The following CREB5 variants were observed in gnomAD, a reference collection of about 807,000 sequenced individuals.
The protein encoded by CREB5 is cyclic AMP-responsive element-binding protein 5.
Under a neutral mutation model 57.1 loss-of-function variants are expected in CREB5, and 19 were observed. The observed-to-expected ratio is 0.33, with a 90% CI of 0.23 to 0.49. CREB5 has a LOEUF of 0.49. Ranked by LOEUF, CREB5 falls within the 20% of genes least tolerant of loss-of-function variation. CREB5 has a pLI of 0.99. For missense variants in CREB5, 579 were observed against 671.6 expected (o/e 0.86, Z 1.52); for synonymous variants, 238 against 238.3 (o/e 1.00, Z 0.01).
intron 1 of CREB5, among the ~76,000 whole-genome samples, chr7:28,310,018 A>G (rs1262699925): frequency 1.3e-5 from 2 of 152,198 alleles, no homozygotes; most frequent in African/African-American, 2.4e-5. Flanking sequence ...GAAAGGGTTC[A>G]TGGAGTAGCT....
chr7:28,655,720 T>C (rs1469726647), intron 5 of CREB5, among the ~76,000 whole-genome samples: 4 of 152,224 alleles, frequency 2.6e-5, no homozygotes, highest in African/African-American at 9.6e-5. Context: ...TATTATGTGC[T>C]TTTTTATCAC....
At chr7:28,420,807 C>CAAAAAAAAAAAA (rs10540496) in intron 1 of CREB5, among the ~76,000 whole-genome samples, 1 of 92,966 alleles carries the variant, frequency 1.1e-5, no homozygotes, top group African/African-American at 4.1e-5. Context: ...GACTCCATCT[C>CAAAAAAAAAAAA]AAAAAAAAAA....
chr7:28,750,584 C>T (rs540059908), intron 7 of CREB5, among the ~76,000 whole-genome samples: 1 of 138,062 alleles, frequency 7.2e-6, no homozygotes, highest in Admixed American at 7.4e-5. Context: ...CATGTAGAAG[C>T]TTAATACGAA....
intron 4 of CREB5, among the ~76,000 whole-genome samples, chr7:28,530,744 C>T (rs1583585087): frequency 6.6e-6 from 1 of 152,258 alleles, no homozygotes; most frequent in South Asian, 2.1e-4. Flanking sequence ...CAAGTAGAAG[C>T]GCAAGTGTGT....
chr7:28,701,122 A>G (rs1801838509), intron 5 of CREB5, among the ~76,000 whole-genome samples: 1 of 152,208 alleles, frequency 6.6e-6, no homozygotes. Flanking sequence ...AAAAAGGTCC[A>G]TTAGGGATGC....
intron 1 of CREB5, among the ~76,000 whole-genome samples, chr7:28,437,934 C>T (rs1321199356): frequency 6.6e-6 from 1 of 152,108 alleles, no homozygotes; most frequent in African/African-American, 2.4e-5. Flanking sequence ...TGATGACTTT[C>T]GGGCTCAGGG....
chr7:28,417,323 T>G (rs992418179), intron 1 of CREB5, among the ~76,000 whole-genome samples: 1 of 151,992 alleles, frequency 6.6e-6, no homozygotes, highest in African/African-American at 2.4e-5. Flanking sequence ...AAAATGTTAA[T>G]GTACTACTTT....
chr7:28,307,893 C>T (rs1288205817), intron 1 of CREB5, among the ~76,000 whole-genome samples: 1 of 152,224 alleles, frequency 6.6e-6, no homozygotes, highest in Non-Finnish European at 1.5e-5. Context: ...CAGAAGCACA[C>T]CTTGGGGAGA....
At chr7:28,482,503 T>C (rs1791376055) in intron 1 of CREB5, among the ~76,000 whole-genome samples, 1 of 152,220 alleles carries the variant, frequency 6.6e-6, no homozygotes. Flanking sequence ...TCATACAGTG[T>C]GACTGACTCA....
intron 7 of CREB5, among the ~76,000 whole-genome samples, chr7:28,737,595 C>T (rs1325900808): frequency 1.7e-5 from 2 of 119,866 alleles, no homozygotes; most frequent in African/African-American, 3.2e-5. Context: ...ATATTTTTAA[C>T]TCCTGTTTCA....
chr7:28,330,334 C>G (rs1157973408), intron 1 of CREB5, among the ~76,000 whole-genome samples: 2 of 150,734 alleles, frequency 1.3e-5, no homozygotes, highest in Non-Finnish European at 2.9e-5. Context: ...GTTAAACTCT[C>G]TCCTTATGTA....
rs370060119 is a variant in CREB5 at position 28,819,269 on chromosome 7, C to G, written c.1517C>G (p.Pro506Arg). The G allele has an allele frequency of 1.2e-5, 20 of 1,612,984 alleles. No homozygotes were observed. The highest frequency in any genetic ancestry group is 6.6e-5 in the South Asian group (6 of 90,946). ...ACCACTCACAGAACAGACCTGAATC[C>G]GATTCTTTAAAATGCACCATCAGAC... Reference protein sequence around the residue: ...QLTTHRTDLNPIL With the variant: ...QLTTHRTDLNRIL The change falls in exon 11 of 11, where the codon CCG becomes CGG. Residue 506 changes from proline to arginine, a missense_variant. Around this residue, in one of 3 missense-constraint regions of CREB5, gnomAD observed 114 missense variants for 130.8 expected, o/e 0.87. Transcript: ENST00000357727.
chr7:28,402,482 A>G (rs986243252), intron 1 of CREB5, among the ~76,000 whole-genome samples: 2 of 152,232 alleles, frequency 1.3e-5, no homozygotes, highest in Non-Finnish European at 2.9e-5. Flanking sequence ...AGAGATATAG[A>G]CAAATGGAAC....
At chr7:28,373,673 G>T (rs1786762466) in intron 1 of CREB5, among the ~76,000 whole-genome samples, 1 of 151,728 alleles carries the variant, frequency 6.6e-6, no homozygotes. Flanking sequence ...CAATCCACCT[G>T]CCTTGGCCTC....
At chr7:28,306,671 C>G (rs1295740111) in intron 1 of CREB5, among the ~76,000 whole-genome samples, 1 of 149,768 alleles carries the variant, frequency 6.7e-6, no homozygotes, top group Non-Finnish European at 1.5e-5. Context: ...CGCCATTCTC[C>G]TGCCTCAGCC....
chr7:28,531,095 G>T (rs962637902), intron 4 of CREB5, among the ~76,000 whole-genome samples: 7 of 151,982 alleles, frequency 4.6e-5, no homozygotes, highest in African/African-American at 1.7e-4. Flanking sequence ...ATAATGTTTT[G>T]GGGAAAGCCC....
chr7:28,376,619 T>G (rs1429819183), intron 1 of CREB5, among the ~76,000 whole-genome samples: 1 of 152,202 alleles, frequency 6.6e-6, no homozygotes, highest in Non-Finnish European at 1.5e-5. Context: ...AATGCAGAAC[T>G]GAAGCCAAAG....
chr7:28,369,913 A>C (rs12700888), intron 1 of CREB5, among the ~76,000 whole-genome samples: 98,005 of 152,088 alleles, frequency 0.64, 35,067 homozygotes, highest in East Asian at 0.99. Context: ...TCCCTGGCTC[A>C]TGTTCTGCTT....
intron 9 of CREB5, among the ~76,000 whole-genome samples, chr7:28,816,414 T>C (rs1266632290): frequency 6.6e-6 from 1 of 152,222 alleles, no homozygotes; most frequent in Non-Finnish European, 1.5e-5. Context: ...TTGTATGTTC[T>C]GAGATGTAAG....
Sources: gnomAD v4.1 joint callset for allele counts (sites outside exome capture counted in the v4.1 genomes callset) on GRCh38, gnomAD v4.1.1 for gene constraint, gnomAD v4.1.1 regional missense constraint, MANE v1.5 for transcripts, NCBI Gene and HGNC (gene_info 2026-07-23, HGNC 2026-07-21) for gene names.